The following MACROD2 variants were observed in gnomAD, a reference collection of about 807,000 sequenced individuals.
The protein encoded by MACROD2 is ADP-ribose glycohydrolase MACROD2.
In MACROD2, 36 loss-of-function variants were observed where a neutral mutation model predicts 70.4. That is an observed-to-expected ratio of 0.51 (90% confidence interval 0.39 to 0.68). The LOEUF (loss-of-function observed/expected upper bound fraction) is 0.68, where lower values mean the gene tolerates loss of function less well. MACROD2 is among the 30% of genes least tolerant of loss of function. The pLI is 0.00. For synonymous variants in MACROD2, 172 were observed against 178.8 expected (o/e 0.96, Z 0.30); for missense variants, 496 against 538.4 (o/e 0.92, Z 0.78).
chr20:15,642,515 A>G, intron 8 of MACROD2, among the ~76,000 whole-genome samples: 1 of 151,680 alleles, frequency 6.6e-6, no homozygotes, highest in East Asian at 1.9e-4. Context: ...AAAATATCAC[A>G]TCATTAAGTA....
intron 3 of MACROD2, among the ~76,000 whole-genome samples, chr20:14,268,828 G>T (rs1047289004): frequency 6.6e-5 from 10 of 151,940 alleles, no homozygotes; most frequent in African/African-American, 2.4e-4. Context: ...TTTCATTCTT[G>T]TCCCTTCTCT....
chr20:14,912,978 C>T (rs2074046291), intron 5 of MACROD2, among the ~76,000 whole-genome samples: 2 of 152,044 alleles, frequency 1.3e-5, no homozygotes, highest in South Asian at 4.1e-4. Flanking sequence ...GAAGTACTTG[C>T]CAGGATGAGT....
chr20:14,617,707 T>G (rs562368788), intron 4 of MACROD2, among the ~76,000 whole-genome samples: 1 of 152,276 alleles, frequency 6.6e-6, no homozygotes, highest in East Asian at 1.9e-4. Context: ...ACTCAAGTAC[T>G]TCTATTTTTT....
intron 5 of MACROD2, chr20:15,196,950 GC>G: frequency 1.0e-6 from 1 of 985,348 alleles, no homozygotes; most frequent in Non-Finnish European, 1.2e-6. Context: ...AAAAATTGGA[GC>G]CCTTTGGGCC....
At chr20:15,207,734 C>T (rs1409978272) in intron 5 of MACROD2, among the ~76,000 whole-genome samples, 1 of 152,112 alleles carries the variant, frequency 6.6e-6, no homozygotes, top group African/African-American at 2.4e-5. Context: ...AGCCACATCA[C>T]CTGACCCCTC....
At chr20:14,359,215 A>G (rs746644221) in intron 3 of MACROD2, among the ~76,000 whole-genome samples, 1 of 151,944 alleles carries the variant, frequency 6.6e-6, no homozygotes. Context: ...CAAACAAAAA[A>G]CACCTAGATT....
At chr20:14,600,056 G>T (rs1180207193) in intron 4 of MACROD2, among the ~76,000 whole-genome samples, 1 of 152,092 alleles carries the variant, frequency 6.6e-6, no homozygotes, top group Admixed American at 6.6e-5. Context: ...CCACCACACT[G>T]CTGGATAGTG....
intron 8 of MACROD2, among the ~76,000 whole-genome samples, chr20:15,770,180 G>A (rs563247272): frequency 1.4e-5 from 2 of 143,096 alleles, no homozygotes; most frequent in African/African-American, 5.3e-5. Context: ...CAGCAGCCTC[G>A]AACTCCTGAG....
intron 8 of MACROD2, among the ~76,000 whole-genome samples, chr20:15,861,433 C>T (rs2064422708): frequency 6.6e-6 from 1 of 152,182 alleles, no homozygotes; most frequent in Non-Finnish European, 1.5e-5. Context: ...GCAGATAGGA[C>T]TGGACACCAG....
At chr20:15,476,415 T>G (rs1481508110) in intron 7 of MACROD2, among the ~76,000 whole-genome samples, 1 of 152,248 alleles carries the variant, frequency 6.6e-6, no homozygotes, top group African/African-American at 2.4e-5. Context: ...TCTGAATCAC[T>G]GTGCTGCTCA....
intron 15 of MACROD2, among the ~76,000 whole-genome samples, chr20:16,035,125 A>AATAT (rs1464634620): frequency 0.11 from 2,180 of 19,472 alleles, 66 homozygotes; most frequent in Non-Finnish European, 0.26. Context: ...TATAATATAA[A>AATAT]ATATTATATA....
At chr20:15,675,667 A>T (rs1244850502) in intron 8 of MACROD2, among the ~76,000 whole-genome samples, 3 of 152,226 alleles carry the variant, frequency 2.0e-5, no homozygotes, top group Non-Finnish European at 2.9e-5. Context: ...AATGCAGTAT[A>T]TGACTAAGGC....
chr20:14,496,318 C>T (rs1356063472), intron 4 of MACROD2, among the ~76,000 whole-genome samples: 1 of 152,118 alleles, frequency 6.6e-6, no homozygotes, highest in African/African-American at 2.4e-5. Context: ...GGACCTAAGT[C>T]CCCTTCTTTA....
At chr20:15,602,175 G>T (rs2048831122) in intron 8 of MACROD2, among the ~76,000 whole-genome samples, 1 of 152,156 alleles carries the variant, frequency 6.6e-6, no homozygotes, top group South Asian at 2.1e-4. Flanking sequence ...TGTTAAGCTG[G>T]AGCTACCAGC....
intron 5 of MACROD2, among the ~76,000 whole-genome samples, chr20:14,685,376 G>C (rs756030111): frequency 1.3e-5 from 2 of 152,100 alleles, no homozygotes; most frequent in Admixed American, 1.3e-4. Flanking sequence ...AGATCAAAGT[G>C]ATGTATTGTT....
chr20:14,660,023 TG>T (rs1286804979), intron 4 of MACROD2, among the ~76,000 whole-genome samples: 2 of 152,202 alleles, frequency 1.3e-5, no homozygotes, highest in Non-Finnish European at 2.9e-5. Flanking sequence ...GTCTGTCTGT[TG>T]AGACAGTGAT....
intron 10 of MACROD2, among the ~76,000 whole-genome samples, chr20:15,898,560 A>AAC (rs1055133419): frequency 2.0e-5 from 3 of 150,916 alleles, no homozygotes; most frequent in Non-Finnish European, 4.4e-5. Flanking sequence ...AAAAAAAAAA[A>AAC]AAAAAAAAAA....
Position 15,361,792 on chromosome 20 carries a change from TTAA to T in MACROD2, c.541-69611_541-69609del, listed in dbSNP as rs1230811903. ...TGTATATATTTTATTAGGCTTATAC[TTAA>T]TGATGTCATTTTTGAGGTGATCATA... On this transcript the variant is annotated intron_variant, in intron 6 of 17. Transcript: ENST00000684519. Among the ~76,000 whole-genome samples the T allele has an allele frequency of 3.3e-5, 5 of 152,254 alleles. No individual in the cohort carries two copies. In the East Asian group the frequency reaches 7.7e-4, roughly 24 times the overall value.
chr20:14,822,417 A>C (rs1181217540), intron 5 of MACROD2, among the ~76,000 whole-genome samples: 1 of 152,068 alleles, frequency 6.6e-6, no homozygotes, highest in Non-Finnish European at 1.5e-5. Flanking sequence ...TGCCATTCAC[A>C]GTGTCCCCTT....
Sources: gnomAD v4.1 joint callset for allele counts (sites outside exome capture counted in the v4.1 genomes callset) on GRCh38, gnomAD v4.1.1 for gene constraint, MANE v1.5 for transcripts, NCBI Gene and HGNC (gene_info 2026-07-23, HGNC 2026-07-21) for gene names.